The following ADAMTSL2 variants were observed in gnomAD, a reference collection of about 807,000 sequenced individuals.
ADAMTSL2 encodes ADAMTS like 2, also known as ADAMTS-like protein 2.
A neutral mutation model predicts 117.0 loss-of-function variants in ADAMTSL2; 55 were observed. The ratio of observed to expected loss-of-function variants is 0.47; its 90% CI spans 0.38 to 0.59. ADAMTSL2 has a LOEUF of 0.59. Among genes scored for constraint, ADAMTSL2 ranks in the 20% least tolerant of loss-of-function variants. The pLI, the probability that ADAMTSL2 is intolerant of heterozygous loss-of-function variation, is 0.00. For synonymous variants in ADAMTSL2, 572 were observed against 566.4 expected (o/e 1.01, Z -0.14); for missense variants, 1,182 against 1,354.5 (o/e 0.87, Z 2.00).
intron 13 of ADAMTSL2, among the ~76,000 whole-genome samples, chr9:133,568,036 G>A (rs994430045): frequency 6.6e-6 from 1 of 152,224 alleles, no homozygotes; most frequent in Non-Finnish European, 1.5e-5. Flanking sequence ...CCGAGCCCAC[G>A]CTCAGGGCAC....
rs1830162268 is a variant in ADAMTSL2 at position 133,539,752 on chromosome 9, C to T, written c.310-19C>T. ...GGGCCGAGTTCCTCCCGGAGCCTCC[C>T]TGTCCCTTCGCTTCCCAGGAGTGTC... On this transcript the variant is annotated intron_variant, in intron 4 of 18. Transcript: ENST00000651351. 7.6e-7 allele frequency: 1 copy of T among 1,319,622 alleles called. No homozygotes were observed. 81.7% of individuals were successfully genotyped at this position (1,319,622 alleles called of 1,614,324 possible).
At position 133,566,980 on chromosome 9, in the gene ADAMTSL2, G is replaced by A. The variant is rs201221517; in HGVS notation, c.1792G>A (p.Glu598Lys). Residue 598 changes from glutamate to lysine, a missense_variant, in exon 13 of 19, where the codon GAG becomes AAG. Around this residue, in one of 3 missense-constraint regions of ADAMTSL2, gnomAD observed 465 missense variants for 565.3 expected, o/e 0.82. Coordinates refer to ENST00000651351, the MANE Select transcript of ADAMTSL2 (RefSeq NM_014694.4). ...CATGTGTGTCCGCTATGATGGCGTC[G>A]AGGTGGATGACAGCTACTGTGACGC... ...YAMCVRYDGVEVDDSYCDALT... is the reference protein window; with the variant it reads ...YAMCVRYDGVKVDDSYCDALT... The A allele has an allele frequency of 3.0e-5, 48 of 1,610,998 alleles. No homozygotes were observed. Among genetic ancestry groups the A allele is most frequent in the African/African-American group, 2.3e-4 (17 of 74,886 alleles).
intron 7 of ADAMTSL2, 96 bp downstream of exon 7, chr9:133,541,097 G>A (rs1453932216): frequency 4.4e-5 from 68 of 1,528,322 alleles, no homozygotes; most frequent in Non-Finnish European, 5.8e-5. Context: ...TGTACCACTG[G>A]GCAAGTTCTT....
chr9:133,575,176 C>T lies in ADAMTSL2; in HGVS notation c.*312C>T, dbSNP rs2131195574. 2.4e-6 allele frequency: 1 copy of T among 419,952 alleles called. No homozygotes were observed. Among genetic ancestry groups the T allele is most frequent in the South Asian group, 2.4e-5 (1 of 41,958 alleles). The allele number at this position is 419,952 out of a possible 1,614,324, so 26.0% of individuals were successfully genotyped here. A position where few individuals can be genotyped will look rare whatever the true frequency, so the allele number is the denominator to read the frequency against. On this transcript the variant is annotated 3_prime_UTR_variant, in exon 19 of 19. Transcript: ENST00000651351. ...CCCCCAGCAGCCCCCAGCCGAGGGG[C>T]CCAGGGCCCACAGCCAGCGGTGGAG...
intron 5 of ADAMTSL2, 138 bp from the exon 6 acceptor site, chr9:133,540,460 C>A: frequency 1.7e-6 from 2 of 1,197,932 alleles, no homozygotes; most frequent in Non-Finnish European, 2.4e-6. Context: ...GAGACCTGGA[C>A]AGGTTCCTTC....
rs1395219766 is a variant in ADAMTSL2, at chr9:133,537,464, G to C, written c.150G>C (p.Trp50Cys). The C allele has an allele frequency of 2.2e-6, 3 of 1,361,848 alleles. No homozygotes were observed. Among genetic ancestry groups the C allele is most frequent in the Non-Finnish European group, 2.9e-6 (3 of 1,049,148 alleles). 84.4% of individuals were successfully genotyped at this position (1,361,848 alleles called of 1,614,324 possible). The change falls in exon 3 of 19, where the codon TGG (tryptophan) becomes TGC (cysteine). Residue 50 changes from tryptophan to cysteine, a missense_variant. Physicochemically the swap from Trp to Cys is radical, Grantham distance 215. Transcript: ENST00000651351. ...EGGTDATAFW[W>C]GEWTKWTACS... ...GCACCGACGCCACGGCCTTCTGGTG[G>C]GGGGAGTGGACCAAGTGGACGGCGT...
At chr9:133,539,412 C>T (rs149505945) in intron 4 of ADAMTSL2, among the ~76,000 whole-genome samples, 1 of 152,360 alleles carries the variant, frequency 6.6e-6, no homozygotes, top group East Asian at 1.9e-4. Context: ...TGTAGACACA[C>T]AGTCAGGGCC....
chr9:133,538,817 A>G (rs943466607), intron 4 of ADAMTSL2, among the ~76,000 whole-genome samples: 1 of 151,932 alleles, frequency 6.6e-6, no homozygotes, highest in Non-Finnish European at 1.5e-5. Context: ...CCCCCACGCC[A>G]TAAAACAGTT....
intron 11 of ADAMTSL2, among the ~76,000 whole-genome samples, chr9:133,559,771 G>C (rs1451724594): frequency 9.2e-5 from 14 of 152,264 alleles, no homozygotes; most frequent in South Asian, 2.1e-4. Flanking sequence ...CCAGGTGAAG[G>C]AGGCTTTGAA....
At chr9:133,559,510 A>AT (rs35999438) in intron 11 of ADAMTSL2, among the ~76,000 whole-genome samples, 37,370 of 141,464 alleles carry the variant, frequency 0.26, 5,427 homozygotes, top group Middle Eastern at 0.36. Flanking sequence ...CACCCGGTGA[A>AT]TTTTTTTTTT....
intron 7 of ADAMTSL2, among the ~76,000 whole-genome samples, chr9:133,544,174 T>C (rs2131110648): frequency 6.6e-6 from 1 of 152,284 alleles, no homozygotes; most frequent in East Asian, 1.9e-4. Context: ...CGGACTGAAC[T>C]CCCAGTGTGC....
At position 133,554,730 on chromosome 9, in the gene ADAMTSL2, G is replaced by C; in HGVS notation, c.1276+37G>C. ...GAGGGAGGCATGAGGGTGGGGCCCG[G>C]GAGGCAGCCCAGGGAAGGGGGCCTT... On this transcript the variant is annotated intron_variant, in intron 10 of 18. Coordinates refer to ENST00000651351, the MANE Select transcript of ADAMTSL2 (RefSeq NM_014694.4). This position sits in a 1 kb window ranked among gnomAD's most constrained non-coding sequence, Gnocchi z 5.2. 1 of 1,450,400 alleles carries C rather than the reference G, an allele frequency of 6.9e-7. No individual in the cohort carries two copies. Among genetic ancestry groups the C allele is most frequent in the Non-Finnish European group, 9.1e-7 (1 of 1,096,732 alleles). The allele number at this position is 1,450,400 out of a possible 1,614,324, so 89.8% of individuals were successfully genotyped here. A position where few individuals can be genotyped will look rare whatever the true frequency, so the allele number is the denominator to read the frequency against.
In ADAMTSL2 at chr9:133,534,936, G is replaced by T. The variant is rs755830361; in HGVS notation, c.-151+19G>T. 1.5e-6 allele frequency: 2 copies of T among 1,378,056 alleles called. No individual in the cohort carries two copies. Among genetic ancestry groups the T allele is most frequent in the Non-Finnish European group, 9.4e-7 (1 of 1,061,020 alleles). The allele number at this position is 1,378,056 out of a possible 1,614,324, so 85.4% of individuals were successfully genotyped here. A position where few individuals can be genotyped will look rare whatever the true frequency, so the allele number is the denominator to read the frequency against. On this transcript the variant is annotated intron_variant, in intron 1 of 18. Coordinates refer to ENST00000651351, the MANE Select transcript of ADAMTSL2 (RefSeq NM_014694.4). ...AAGCCAGGTAGGCCACCTCGTCCCC[G>T]TCCCCCTCACGTTGCAGCGTCCACC...
At chr9:133,546,394 G>A (rs1830349010) in intron 8 of ADAMTSL2, among the ~76,000 whole-genome samples, 1 of 143,994 alleles carries the variant, frequency 6.9e-6, no homozygotes, top group Admixed American at 6.9e-5. Context: ...GGGCACCCAG[G>A]AAGAGGGTGA....
intron 18 of ADAMTSL2, 78 bp from the exon 19 acceptor site, chr9:133,574,668 C>A: frequency 7.9e-7 from 1 of 1,269,184 alleles, no homozygotes; most frequent in Non-Finnish European, 1.2e-6. Context: ...TGGAAAACGG[C>A]ACGTGGGGGT....
chr9:133,567,998 C>CA (rs1831014599), intron 13 of ADAMTSL2, among the ~76,000 whole-genome samples: 1 of 152,238 alleles, frequency 6.6e-6, no homozygotes, highest in South Asian at 2.1e-4. Context: ...ACCTGTGTGA[C>CA]ACAGCAGGGC....
chr9:133,551,296 G>GC (rs1554813110), intron 9 of ADAMTSL2, among the ~76,000 whole-genome samples: 26 of 146,954 alleles, frequency 1.8e-4, no homozygotes, highest in African/African-American at 6.1e-4. Flanking sequence ...CATCATAAGG[G>GC]CCCCCCCACA....
chr9:133,564,847 G>A (rs1177693842), intron 12 of ADAMTSL2, among the ~76,000 whole-genome samples: 2 of 152,054 alleles, frequency 1.3e-5, no homozygotes, highest in South Asian at 2.1e-4. Context: ...GGTTGTGTCC[G>A]TGCGGATGTC....
Position 133,549,788 on chromosome 9 carries a change from C to T in ADAMTSL2, c.939+2575C>T, listed in dbSNP as rs576311896. On this transcript the variant is annotated intron_variant, in intron 9 of 18. Transcript: ENST00000651351. ...AATGCCCAAACAGACCGTGTGTGGC[C>T]GCAGCCTAAAGTGTAATGAAACTGT... Among the ~76,000 whole-genome samples, 8 of 152,286 alleles carry T rather than the reference C, an allele frequency of 5.3e-5. No individual in the cohort carries two copies. In the South Asian group the frequency reaches 8.3e-4, roughly 16 times the overall value.
Sources: allele counts gnomAD v4.1 joint callset (sites outside exome capture counted in the v4.1 genomes callset), GRCh38; gene constraint gnomAD v4.1.1; regional missense constraint gnomAD v4.1.1; non-coding constraint Gnocchi (gnomAD v3.1); transcripts MANE v1.5; gene names NCBI Gene and HGNC (gene_info 2026-07-23, HGNC 2026-07-21).